PALMD: variants seen among roughly 807,000 people sequenced by gnomAD.
The protein encoded by PALMD is palmdelphin.
A neutral mutation model predicts 56.2 loss-of-function variants in PALMD; 42 were observed. That is an observed-to-expected ratio of 0.75 (90% CI 0.58 to 0.97). The LOEUF is 0.97. Ranked by LOEUF, PALMD falls within the 50% of genes least tolerant of loss-of-function variation. The pLI, the probability that PALMD is intolerant of heterozygous loss-of-function variation, is 0.00. For synonymous variants in PALMD, 242 were observed against 222.9 expected, an observed-to-expected ratio of 1.09 and a Z score of -0.76; for missense variants, 660 against 643.8, an observed-to-expected ratio of 1.03 and a Z score of -0.27.
Position 99,688,798 on chromosome 1 carries a change from G to T in PALMD, c.538G>T (p.Val180Phe). 6.3e-7 allele frequency: 1 copy of T among 1,599,006 alleles called. No homozygotes were observed. The highest frequency in any genetic ancestry group is 8.5e-7 in the Non-Finnish European group (1 of 1,173,122). The change falls in exon 7 of 8, where the codon GTT (valine) becomes TTT (phenylalanine). Residue 180 changes from valine (V) to phenylalanine (F), a missense_variant. Transcript: ENST00000263174. ...RKALYAMEIK[V>F]EKDLKTGEST... Reference sequence around the variant, plus strand: ...AGCTTTATATGCCATGGAAATTAAAGTTGAAAAAGACTTGAAGACTGGAGA... The same window carrying T: ...AGCTTTATATGCCATGGAAATTAAATTTGAAAAAGACTTGAAGACTGGAGA...
chr1:99,661,494 A>G (rs1165200753), intron 1 of PALMD, among the ~76,000 whole-genome samples: 4 of 152,328 alleles, frequency 2.6e-5, no homozygotes, highest in East Asian at 1.9e-4. Context: ...TAGTGCTCAC[A>G]TCTTATGAAG....
At chr1:99,648,004 C>G (rs746672513) in intron 1 of PALMD, among the ~76,000 whole-genome samples, 29 of 152,146 alleles carry the variant, frequency 1.9e-4, no homozygotes, top group Non-Finnish European at 3.8e-4. Context: ...CTCATAATGT[C>G]TTAAAAGCCA....
chr1:99,693,899 C>G, intron 7 of PALMD, 120 bp from the exon 8 acceptor site: 1 of 687,050 alleles, frequency 1.5e-6, no homozygotes, highest in Non-Finnish European at 2.6e-6. Flanking sequence ...TCAATGCTCA[C>G]ACTGTTGGAT....
chr1:99,653,599 C>T (rs1005747863), intron 1 of PALMD, among the ~76,000 whole-genome samples: 1 of 152,102 alleles, frequency 6.6e-6, no homozygotes, highest in Non-Finnish European at 1.5e-5. Flanking sequence ...TAGGATATTT[C>T]AAAGCTAGAT....
chr1:99,659,170 C>T (rs1479184916), intron 1 of PALMD, among the ~76,000 whole-genome samples: 1 of 152,204 alleles, frequency 6.6e-6, no homozygotes, highest in Non-Finnish European at 1.5e-5. Flanking sequence ...TACTTATACT[C>T]TTAAGCATTG....
rs1653741750 is a variant in PALMD at position 99,694,392 on chromosome 1, T to G, written c.*330T>G. 1 of 177,446 alleles carries G rather than the reference T, an allele frequency of 5.6e-6. No individual in the cohort carries two copies. The highest frequency in any genetic ancestry group is 2.4e-5 in the African/African-American group (1 of 42,284). 11.0% of individuals were successfully genotyped at this position (177,446 alleles called of 1,614,324 possible). On this transcript the variant is annotated 3_prime_UTR_variant, in exon 8 of 8. Coordinates refer to ENST00000263174, the MANE Select transcript of PALMD (RefSeq NM_017734.5). ...TTAAAATATTCTGAGTATAGTATAT[T>G]AACTGGCATTGTAATTTTGATGATA... is the stretch of plus-strand genomic sequence containing the variant.
chr1:99,678,662 T>C (rs1260703821), intron 3 of PALMD, among the ~76,000 whole-genome samples: 4 of 151,728 alleles, frequency 2.6e-5, no homozygotes, highest in Non-Finnish European at 5.9e-5. Flanking sequence ...ACAAAAAAAC[T>C]CACAAAATAT....
intron 3 of PALMD, among the ~76,000 whole-genome samples, chr1:99,680,262 G>A (rs2100869754): frequency 6.6e-6 from 1 of 152,282 alleles, no homozygotes; most frequent in South Asian, 2.1e-4. Flanking sequence ...ATCTCGTGAT[G>A]ATTAAGGGAG....
chr1:99,659,434 A>G (rs771272189), intron 1 of PALMD, among the ~76,000 whole-genome samples: 10 of 152,226 alleles, frequency 6.6e-5, no homozygotes, highest in Non-Finnish European at 1.3e-4. Flanking sequence ...TATGTTATTC[A>G]TAATGGTTAC....
intron 3 of PALMD, chr1:99,668,793 G>A (rs1263837333): frequency 6.6e-6 from 1 of 152,060 alleles, no homozygotes; most frequent in African/African-American, 2.4e-5. Flanking sequence ...AGAAAAAACT[G>A]GAAAGCTCAA....
At chr1:99,682,874 T>G (rs1018550333) in intron 3 of PALMD, among the ~76,000 whole-genome samples, 32 of 151,540 alleles carry the variant, frequency 2.1e-4, no homozygotes, top group Non-Finnish European at 8.8e-5. Context: ...GGCGTCGTGG[T>G]GCACTCCTGT....
At chr1:99,667,296 A>G (rs953614465) in intron 2 of PALMD, among the ~76,000 whole-genome samples, 2 of 152,208 alleles carry the variant, frequency 1.3e-5, no homozygotes, top group African/African-American at 4.8e-5. Flanking sequence ...ATGAGGTCCC[A>G]TTATGACTGT....
At chr1:99,686,996 C>G (rs966479861) in intron 5 of PALMD, 33 bp downstream of exon 5, 3 of 1,531,204 alleles carry the variant, frequency 2.0e-6, no homozygotes, top group Non-Finnish European at 2.7e-6. Flanking sequence ...TTATGTTAAA[C>G]TAAGTTTTTT....
chr1:99,650,401 AG>A (rs375522576), intron 1 of PALMD, among the ~76,000 whole-genome samples: 36 of 151,950 alleles, frequency 2.4e-4, no homozygotes, highest in African/African-American at 8.5e-4. Flanking sequence ...TTGTAAATAT[AG>A]GAATTTAAGA....
At chr1:99,682,458 T>C (rs772190318) in intron 3 of PALMD, among the ~76,000 whole-genome samples, 1 of 152,136 alleles carries the variant, frequency 6.6e-6, no homozygotes, top group African/African-American at 2.4e-5. Flanking sequence ...TTTCATCCAG[T>C]GACTTGAAAA....
At chr1:99,651,674 C>T (rs1248333929) in intron 1 of PALMD, among the ~76,000 whole-genome samples, 1 of 152,182 alleles carries the variant, frequency 6.6e-6, no homozygotes, top group Non-Finnish European at 1.5e-5. Context: ...AAATTTACCA[C>T]CTTAAGAAGT....
chr1:99,685,621 T>C (rs934517184), intron 3 of PALMD: 5 of 152,240 alleles, frequency 3.3e-5, no homozygotes, highest in Non-Finnish European at 5.9e-5. Flanking sequence ...GTGACAATAG[T>C]GCAGCATTTT....
At chr1:99,667,517 C>A in intron 2 of PALMD, 125 bp from the exon 3 acceptor site, 2 of 781,606 alleles carry the variant, frequency 2.6e-6, no homozygotes, top group South Asian at 1.7e-5. Context: ...TCAGGCAAGG[C>A]ACTGACAGAA....
chr1:99,665,469 C>T (rs1178942479), intron 2 of PALMD, among the ~76,000 whole-genome samples: 1 of 152,052 alleles, frequency 6.6e-6, no homozygotes, highest in Admixed American at 6.6e-5. Context: ...TATTTAAGTT[C>T]AAAGAGTTCT....
Sources: allele counts gnomAD v4.1 joint callset (sites outside exome capture counted in the v4.1 genomes callset), GRCh38; gene constraint gnomAD v4.1.1; transcripts MANE v1.5; gene names NCBI Gene and HGNC (gene_info 2026-07-23, HGNC 2026-07-21).